The following CAMK2B variants were observed in gnomAD, a reference collection of about 807,000 sequenced individuals.
CAMK2B encodes calcium/calmodulin dependent protein kinase II beta.
CAMK2B carries 27 observed loss-of-function variants against 93.7 expected under a neutral mutation model. The observed-to-expected ratio is 0.29, with a 90% CI of 0.21 to 0.40. The LOEUF (loss-of-function observed/expected upper bound fraction) is 0.40, where lower values mean the gene tolerates loss of function less well. Among genes scored for constraint, CAMK2B ranks in the 10% least tolerant of loss-of-function variants. The pLI, the probability that CAMK2B is intolerant of heterozygous loss-of-function variation, is 1.00. For missense variants in CAMK2B, 568 were observed against 895.8 expected (o/e 0.63, Z 4.67); for synonymous variants, 374 against 358.8 (o/e 1.04, Z -0.48).
intron 20 of CAMK2B, 95 bp downstream of exon 20, chr7:44,226,421 G>A (rs1431451324): frequency 1.8e-5 from 19 of 1,070,024 alleles, no homozygotes; most frequent in Middle Eastern, 2.6e-4. Context: ...GCCCTCCTCC[G>A]CAAGAATGGC....
At chr7:44,309,176 G>C (rs938555127) in intron 1 of CAMK2B, among the ~76,000 whole-genome samples, 1 of 152,232 alleles carries the variant, frequency 6.6e-6, no homozygotes, top group Non-Finnish European at 1.5e-5. Flanking sequence ...AGAGAGGAGA[G>C]AGTGGTCTCA....
intron 1 of CAMK2B, among the ~76,000 whole-genome samples, chr7:44,300,832 T>G (rs1312717723): frequency 4.6e-5 from 7 of 152,236 alleles, no homozygotes; most frequent in Non-Finnish European, 8.8e-5. Flanking sequence ...GAATACATTT[T>G]CTTCTCAAGC....
rs181044838 is a variant in CAMK2B, at chr7:44,282,783, C to G, written c.160+1348G>C. ...ATCACTGTAAACTGCAGGCCACAGACAGTAGGCAGCTCTCCCACCAACCCA... is the reference window on the plus strand; with the variant it reads ...ATCACTGTAAACTGCAGGCCACAGAGAGTAGGCAGCTCTCCCACCAACCCA... On this transcript the variant is annotated intron_variant, in intron 2 of 23. Coordinates refer to ENST00000395749, the MANE Select transcript of CAMK2B (RefSeq NM_001220.5). Among the ~76,000 whole-genome samples the G allele has an allele frequency of 1.6e-4, 24 of 152,374 alleles. No homozygotes were observed. In the East Asian group the frequency reaches 4.2e-3, roughly 27 times the overall value.
At chr7:44,320,166 C>G (rs1163618342) in intron 1 of CAMK2B, among the ~76,000 whole-genome samples, 1 of 152,074 alleles carries the variant, frequency 6.6e-6, no homozygotes, top group African/African-American at 2.4e-5. Flanking sequence ...TTGCTGGTGT[C>G]ATATGGAGTC....
chr7:44,305,552 C>T (rs553919170), intron 1 of CAMK2B, among the ~76,000 whole-genome samples: 1 of 152,362 alleles, frequency 6.6e-6, no homozygotes, highest in South Asian at 2.1e-4. Context: ...CTGCACAGGT[C>T]CCCTGAGGTG....
rs531320639 is a variant in CAMK2B, at chr7:44,266,799, G to A, written c.161-3735C>T. The A allele has an allele frequency of 5.3e-5, 8 of 152,330 alleles. No individual in the cohort carries two copies. The East Asian group carries it at 7.7e-4, about 15-fold the overall frequency. 9.4% of individuals were successfully genotyped at this position (152,330 alleles called of 1,614,324 possible). On this transcript the variant is annotated intron_variant, in intron 2 of 23. Coordinates refer to ENST00000395749, the MANE Select transcript of CAMK2B (RefSeq NM_001220.5). The stretch of plus-strand genomic sequence containing the variant: ...GGCCAGCCCTGGCTATGCCCACTAC[G>A]GTGATGTCCTTGTCAGGGCCAGGCA...
chr7:44,280,491 G>A (rs910919492), intron 2 of CAMK2B, among the ~76,000 whole-genome samples: 1 of 152,202 alleles, frequency 6.6e-6, no homozygotes, highest in Non-Finnish European at 1.5e-5. Flanking sequence ...GGTGGGTGGG[G>A]GTGGCTGCTG....
intron 4 of CAMK2B, 125 bp downstream of exon 4, chr7:44,258,747 G>A: frequency 1.3e-6 from 1 of 796,218 alleles, no homozygotes; most frequent in East Asian, 2.7e-5. Flanking sequence ...AGCAGCAGAA[G>A]CACACTCAAG....
At chr7:44,302,843 G>A (rs1790451656) in intron 1 of CAMK2B, among the ~76,000 whole-genome samples, 1 of 152,048 alleles carries the variant, frequency 6.6e-6, no homozygotes, top group South Asian at 2.1e-4. Context: ...ACTAAGATCA[G>A]GAACAAAGCA....
rs1272841670 is a variant in CAMK2B, at chr7:44,225,382, G to A, written c.1597+1134C>T. Among the ~76,000 whole-genome samples the A allele has an allele frequency of 6.6e-6, 1 of 152,078 alleles. No individual in the cohort carries two copies. On this transcript the variant is annotated intron_variant, in intron 20 of 23. Transcript: ENST00000395749. This position sits in a 1 kb window ranked among gnomAD's most constrained non-coding sequence, Gnocchi z 5.0. ...GCTCTGCGGTGCACCCACCCCAGCT[G>A]CACGGCGGCCCCTCCCCATGCCTCC...
At chr7:44,243,992 C>T (rs535009962) in intron 6 of CAMK2B, among the ~76,000 whole-genome samples, 1 of 152,186 alleles carries the variant, frequency 6.6e-6, no homozygotes, top group Non-Finnish European at 1.5e-5. Context: ...CTGTTTCTCA[C>T]TCCTCAGAGA....
chr7:44,253,076 G>A (rs1453410451), intron 5 of CAMK2B, among the ~76,000 whole-genome samples: 1 of 152,158 alleles, frequency 6.6e-6, no homozygotes, highest in South Asian at 2.1e-4. Flanking sequence ...TCAGGGATGC[G>A]GGCCATGTCA....
intron 1 of CAMK2B, 164 bp downstream of exon 1, chr7:44,325,193 G>A (rs978711005): frequency 3.0e-5 from 6 of 199,888 alleles, no homozygotes; most frequent in African/African-American, 9.6e-5. Context: ...GGGGCCGGGG[G>A]CTCGCGGGTC....
At chr7:44,315,078 TA>T (rs1794537970) in intron 1 of CAMK2B, among the ~76,000 whole-genome samples, 1 of 152,238 alleles carries the variant, frequency 6.6e-6, no homozygotes, top group African/African-American at 2.4e-5. Context: ...TTTTCACTGT[TA>T]ATGAAGCCCA....
rs909249814 is a variant in CAMK2B, at chr7:44,248,557, G to A, written c.342-1365C>T. On this transcript the variant is annotated intron_variant, in intron 5 of 23. Coordinates refer to ENST00000395749, the MANE Select transcript of CAMK2B (RefSeq NM_001220.5). This position sits in a 1 kb window ranked among gnomAD's most constrained non-coding sequence, Gnocchi z 4.1. ...TCTCAGTCACCGCCCCACTGGGCAC[G>A]GTCAAGGGAGGGACAGGAAGACCCC... 2.0e-5 allele frequency among the ~76,000 whole-genome samples: 3 copies of A among 152,216 alleles called. No individual in the cohort carries two copies. The highest frequency in any genetic ancestry group is 3.8e-4 in the East Asian group (2 of 5,202).
intron 1 of CAMK2B, among the ~76,000 whole-genome samples, chr7:44,315,647 A>C (rs1354621317): frequency 6.6e-6 from 1 of 152,220 alleles, no homozygotes; most frequent in Non-Finnish European, 1.5e-5. Context: ...AATGTAGGTC[A>C]ATTTGGAGTA....
chr7:44,308,241 C>T (rs547271395), intron 1 of CAMK2B, among the ~76,000 whole-genome samples: 4 of 152,202 alleles, frequency 2.6e-5, no homozygotes, highest in Admixed American at 6.5e-5. Context: ...GGCTAATTGC[C>T]GGAGCTGCCA....
At chr7:44,289,213 C>T (rs754093939) in intron 1 of CAMK2B, among the ~76,000 whole-genome samples, 6 of 152,314 alleles carry the variant, frequency 3.9e-5, no homozygotes, top group South Asian at 4.1e-4. Flanking sequence ...AGCTCCCCAC[C>T]GCAGGTGGCT....
chr7:44,309,255 A>C (rs961390882), intron 1 of CAMK2B, among the ~76,000 whole-genome samples: 2 of 152,178 alleles, frequency 1.3e-5, no homozygotes, highest in African/African-American at 2.4e-5. Flanking sequence ...TGCCCAGCTG[A>C]AGCCGGGCTC....
Sources: gnomAD v4.1 joint callset for allele counts (sites outside exome capture counted in the v4.1 genomes callset) on GRCh38, gnomAD v4.1.1 for gene constraint, Gnocchi (gnomAD v3.1) non-coding constraint, MANE v1.5 for transcripts, NCBI Gene and HGNC (gene_info 2026-07-23, HGNC 2026-07-21) for gene names.